Variants in STK31 observed in about 807,000 individuals in gnomAD.
STK31 encodes the protein serine/threonine kinase 31, also known as serine/threonine-protein kinase 31.
In STK31, 89 loss-of-function variants were observed where a neutral mutation model predicts 129.7. The observed-to-expected ratio is 0.69, with a 90% CI of 0.58 to 0.82. The LOEUF is 0.82. STK31 is among the 40% of genes least tolerant of loss of function. The pLI is 0.00. For missense variants in STK31, 1,187 were observed against 1,176.4 expected (o/e 1.01, Z -0.13); for synonymous variants, 448 against 395.3 (o/e 1.13, Z -1.58).
chr7:23,829,820 C>T (rs945728689), intron 23 of STK31, among the ~76,000 whole-genome samples: 1 of 152,174 alleles, frequency 6.6e-6, no homozygotes, highest in East Asian at 1.9e-4. Context: ...TGTTACTGGT[C>T]TGTTCATGTT....
chr7:23,752,637 A>T, intron 8 of STK31, 80 bp from the exon 9 acceptor site: 1 of 1,085,416 alleles, frequency 9.2e-7, no homozygotes, highest in South Asian at 1.3e-5. Context: ...CACTGTGCCC[A>T]GCCAAAAATT....
intron 3 of STK31, among the ~76,000 whole-genome samples, chr7:23,715,421 C>T (rs2128060969): frequency 6.7e-6 from 1 of 149,548 alleles, no homozygotes; most frequent in African/African-American, 2.5e-5. Context: ...AGTTTGAGAC[C>T]AGCCTTGGCA....
At chr7:23,784,222 G>A (rs1018066599) in intron 17 of STK31, among the ~76,000 whole-genome samples, 2 of 152,046 alleles carry the variant, frequency 1.3e-5, no homozygotes, top group African/African-American at 4.8e-5. Flanking sequence ...TTAGTCCTGC[G>A]ATTTATATTG....
chr7:23,810,940 T>TACACAC (rs142209476), intron 22 of STK31, among the ~76,000 whole-genome samples: 3 of 140,344 alleles, frequency 2.1e-5, no homozygotes, highest in East Asian at 4.0e-4. Context: ...TGTGTGTATA[T>TACACAC]ACACACACAC....
intron 1 of STK31, chr7:23,710,589 C>T (rs1785888199): frequency 1.5e-6 from 2 of 1,333,988 alleles, no homozygotes; most frequent in African/African-American, 2.9e-5. Context: ...CCTCCACACT[C>T]TCTTCCCCTT....
At chr7:23,784,287 T>C (rs559768610) in intron 17 of STK31, among the ~76,000 whole-genome samples, 3 of 152,272 alleles carry the variant, frequency 2.0e-5, no homozygotes, top group African/African-American at 7.2e-5. Flanking sequence ...TGTCACGAAG[T>C]CCATTATAAT....
At chr7:23,807,054 C>G (rs1179361363) in intron 22 of STK31, among the ~76,000 whole-genome samples, 1 of 152,140 alleles carries the variant, frequency 6.6e-6, no homozygotes, top group Non-Finnish European at 1.5e-5. Context: ...CCTGTCTTAT[C>G]AGATCCAAAT....
At chr7:23,757,062 A>G (rs1789133236) in intron 10 of STK31, among the ~76,000 whole-genome samples, 1 of 152,152 alleles carries the variant, frequency 6.6e-6, no homozygotes. Flanking sequence ...TTCAAAAGGA[A>G]TGGTATCAGC....
At chr7:23,726,951 A>C (rs920962009) in intron 4 of STK31, among the ~76,000 whole-genome samples, 1 of 152,022 alleles carries the variant, frequency 6.6e-6, no homozygotes, top group African/African-American at 2.4e-5. Flanking sequence ...TGCCTTAAAA[A>C]ATTTTTTTTT....
In STK31 at chr7:23,729,093, T is replaced by G; in HGVS notation, c.327T>G (p.Cys109Trp). Residue 109 changes from cysteine (C) to tryptophan (W), a missense_variant and splice_region_variant, in exon 6 of 24, where the codon TGT becomes TGG. Around this residue, in one of 5 missense-constraint regions of STK31, gnomAD observed 103 missense variants for 110.4 expected, o/e 0.93. Transcript: ENST00000355870. ...TATTTGTCTCTTATTTTTTCCAGTG[T>G]CTGGTGAGGTACATTGACTATGGAA... ...KVLKIISVEK[C>W]LVRYIDYGNT... 6.3e-7 allele frequency: 1 copy of G among 1,596,784 alleles called. No individual in the cohort carries two copies. Among genetic ancestry groups the G allele is most frequent in the Non-Finnish European group, 8.5e-7 (1 of 1,175,104 alleles).
chr7:23,736,840 G>T, intron 7 of STK31, 64 bp from the exon 8 acceptor site: 1 of 1,337,712 alleles, frequency 7.5e-7, no homozygotes, highest in South Asian at 2.1e-5. Context: ...AGATAACTTA[G>T]ATTTGTTTTC....
At chr7:23,779,909 C>A (rs999352306) in intron 15 of STK31, among the ~76,000 whole-genome samples, 1 of 152,184 alleles carries the variant, frequency 6.6e-6, no homozygotes. Context: ...GCAGCTAGCT[C>A]GGTGTCTGCC....
intron 8 of STK31, among the ~76,000 whole-genome samples, chr7:23,750,066 T>TC (rs1788609697): frequency 6.4e-5 from 5 of 77,600 alleles, no homozygotes; most frequent in African/African-American, 2.2e-4. Context: ...AATGGTTTGT[T>TC]TCCCCCCCCG....
intron 4 of STK31, among the ~76,000 whole-genome samples, chr7:23,724,760 A>T (rs1786952585): frequency 6.6e-6 from 1 of 152,196 alleles, no homozygotes; most frequent in Non-Finnish European, 1.5e-5. Context: ...CTTGCCCTTT[A>T]GTTGTTTAAT....
chr7:23,720,423 G>T (rs1786622161), intron 4 of STK31, among the ~76,000 whole-genome samples: 1 of 152,094 alleles, frequency 6.6e-6, no homozygotes, highest in African/African-American at 2.4e-5. Flanking sequence ...CAGGAAGGTG[G>T]CCATCACTCA....
chr7:23,785,625 T>A (rs772666672), intron 18 of STK31, 22 bp downstream of exon 18: 1 of 1,602,818 alleles, frequency 6.2e-7, no homozygotes, highest in South Asian at 1.1e-5. Flanking sequence ...TTCTTCTTAC[T>A]TGTGGGAGAT....
At chr7:23,714,907 G>C (rs1214442898) in intron 3 of STK31, among the ~76,000 whole-genome samples, 2 of 152,186 alleles carry the variant, frequency 1.3e-5, no homozygotes, top group African/African-American at 4.8e-5. Flanking sequence ...GTGAATGAGT[G>C]TGTGTAGCTG....
chr7:23,754,623 C>A, intron 10 of STK31, 149 bp downstream of exon 10: 1 of 810,042 alleles, frequency 1.2e-6, no homozygotes, highest in Non-Finnish European at 1.9e-6. Flanking sequence ...TAGTTTGCTG[C>A]ACCTGTCCTC....
At chr7:23,750,077 C>CCG (rs1554287971) in intron 8 of STK31, among the ~76,000 whole-genome samples, 1 of 127,628 alleles carries the variant, frequency 7.8e-6, no homozygotes, top group African/African-American at 2.8e-5. Context: ...TCCCCCCCCG[C>CCG]CACTGCTGGA....
Sources: allele counts gnomAD v4.1 joint callset (sites outside exome capture counted in the v4.1 genomes callset), GRCh38; gene constraint gnomAD v4.1.1; regional missense constraint gnomAD v4.1.1; transcripts MANE v1.5; gene names NCBI Gene and HGNC (gene_info 2026-07-23, HGNC 2026-07-21).